WDR27: variants seen among roughly 807,000 people sequenced by gnomAD.
The protein encoded by WDR27 is WD repeat domain 27.
WDR27 carries 100 observed loss-of-function variants against 114.4 expected under a neutral mutation model. The observed-to-expected ratio is 0.87, with a 90% CI of 0.74 to 1.03. The LOEUF is 1.03. Among genes scored for constraint, WDR27 ranks in the 50% least tolerant of loss-of-function variants. The pLI, the probability that WDR27 is intolerant of heterozygous loss-of-function variation, is 0.00. For missense variants in WDR27, 1,129 were observed against 1,092.9 expected (o/e 1.03, Z -0.47); for synonymous variants, 449 against 423.1 (o/e 1.06, Z -0.75).
Position 169,507,062 on chromosome 6 carries a change from G to A in WDR27, c.2646-49428C>T, listed in dbSNP as rs567512669. Among the ~76,000 whole-genome samples the A allele has an allele frequency of 6.2e-4, 94 of 152,296 alleles. 1 individual carries two copies. Among genetic ancestry groups the A allele is most frequent in the Admixed American group, 2.7e-3 (42 of 15,296 alleles). On this transcript the variant is annotated intron_variant, in intron 25 of 25. Coordinates refer to ENST00000448612, the MANE Select transcript of WDR27 (RefSeq NM_182552.5). The stretch of plus-strand genomic sequence containing the variant: ...ATCTGATTAAACATTACTTTCAATT[G>A]TGTAATGTTTTAGAAATAAAATATT...
intron 25 of WDR27, among the ~76,000 whole-genome samples, chr6:169,528,044 A>C (rs531772526): frequency 6.6e-6 from 1 of 152,310 alleles, no homozygotes; most frequent in Admixed American, 6.5e-5. Context: ...ATAAATGGGT[A>C]ACAGCCTTAC....
At chr6:169,606,140 A>C (rs1314427326) in intron 22 of WDR27, among the ~76,000 whole-genome samples, 1 of 152,226 alleles carries the variant, frequency 6.6e-6, no homozygotes, top group East Asian at 1.9e-4. Flanking sequence ...TCTGCACAGC[A>C]AAAGAAATAA....
intron 2 of WDR27, among the ~76,000 whole-genome samples, chr6:169,683,766 C>T (rs1385220017): frequency 6.6e-6 from 1 of 152,200 alleles, no homozygotes; most frequent in Non-Finnish European, 1.5e-5. Context: ...TCCCCAACCA[C>T]CCACATCACC....
In WDR27 at chr6:169,665,472, T is replaced by C. The variant is rs1483892702; in HGVS notation, c.783+14A>G. On this transcript the variant is annotated intron_variant, in intron 7 of 25. Transcript: ENST00000448612. ...ATGTCTGGGAACTGGAACTTAACTCTGTGGCTGTCTCACCTGGCCGTCAGC... is the reference window on the plus strand; with the variant it reads ...ATGTCTGGGAACTGGAACTTAACTCCGTGGCTGTCTCACCTGGCCGTCAGC... 1.2e-6 allele frequency: 2 copies of C among 1,610,750 alleles called. No homozygotes were observed. Among genetic ancestry groups the C allele is most frequent in the Non-Finnish European group, 8.5e-7 (1 of 1,178,686 alleles).
intron 24 of WDR27, among the ~76,000 whole-genome samples, chr6:169,578,970 C>CA (rs1802911915): frequency 6.6e-6 from 1 of 152,142 alleles, no homozygotes; most frequent in African/African-American, 2.4e-5. Context: ...GGTCTCTCAC[C>CA]AGCACCCTAG....
intron 24 of WDR27, among the ~76,000 whole-genome samples, chr6:169,577,086 GA>G (rs111868145): frequency 7.3e-4 from 106 of 144,386 alleles, no homozygotes; most frequent in Middle Eastern, 3.6e-3. Flanking sequence ...AAAAGAAAAG[GA>G]AAAAAAAAAA....
chr6:169,438,218 TTTTTAC>T, the WDR27 span, among the ~76,000 whole-genome samples: 1 of 148,492 alleles, frequency 6.7e-6, no homozygotes, highest in African/African-American at 2.5e-5. Flanking sequence ...ATTTCACGTG[TTTTTAC>T]TTTTACTTTT....
chr6:169,508,928 C>A (rs908506048), intron 25 of WDR27, among the ~76,000 whole-genome samples: 1 of 152,206 alleles, frequency 6.6e-6, no homozygotes, highest in Non-Finnish European at 1.5e-5. Flanking sequence ...CTGCCCTCCA[C>A]ACAGCAGCCA....
rs1785838454 is a variant in WDR27 at position 169,468,027 on chromosome 6, C to G, written c.2646-10393G>C. 2.0e-5 allele frequency among the ~76,000 whole-genome samples: 3 copies of G among 152,208 alleles called. No individual in the cohort carries two copies. The South Asian group carries it at 6.2e-4, about 31-fold the overall frequency. On this transcript the variant is annotated intron_variant, in intron 25 of 25. Coordinates refer to ENST00000448612, the MANE Select transcript of WDR27 (RefSeq NM_182552.5). ...TCTTCCGCCAGATACCCTAAATCAT[C>G]TGTCTCAAGTTTAAAGTTCCATAGA...
At chr6:169,458,554 T>G (rs73789956) in intron 25 of WDR27, among the ~76,000 whole-genome samples, 4,648 of 150,990 alleles carry the variant, frequency 0.031, 218 homozygotes, top group African/African-American at 0.1. Context: ...GACTGTGGAG[T>G]CCAAGGTGGG....
intron 21 of WDR27, among the ~76,000 whole-genome samples, chr6:169,619,886 C>T (rs1812712983): frequency 6.6e-6 from 1 of 152,170 alleles, no homozygotes; most frequent in African/African-American, 2.4e-5. Context: ...TTCACAGATG[C>T]ATGACTAATG....
chr6:169,670,837 A>C lies in WDR27; in HGVS notation c.332-144T>G, dbSNP rs1429364109. The C allele has an allele frequency of 8.5e-6, 10 of 1,181,518 alleles. No individual in the cohort carries two copies. In the East Asian group the frequency reaches 2.2e-4, roughly 26 times the overall value. 73.2% of individuals were successfully genotyped at this position (1,181,518 alleles called of 1,614,324 possible). On this transcript the variant is annotated intron_variant, in intron 3 of 25. Coordinates refer to ENST00000448612, the MANE Select transcript of WDR27 (RefSeq NM_182552.5). ...GCTTTGATGTGATTTTGATTCTTTA[A>C]GAATATCAAAAATACTGGATATACA...
At chr6:169,503,552 G>GTCA (rs965607778) in intron 25 of WDR27, among the ~76,000 whole-genome samples, 29 of 152,276 alleles carry the variant, frequency 1.9e-4, no homozygotes, top group East Asian at 1.4e-3. Flanking sequence ...ACTACAGCCT[G>GTCA]TCATCTACTG....
intron 13 of WDR27, among the ~76,000 whole-genome samples, chr6:169,656,670 G>A (rs1824292822): frequency 6.6e-6 from 1 of 152,086 alleles, no homozygotes; most frequent in Non-Finnish European, 1.5e-5. Flanking sequence ...GAGGAGGCTG[G>A]GATGGCCCAG....
chr6:169,499,276 C>T (rs1228394565), intron 25 of WDR27, among the ~76,000 whole-genome samples: 2 of 152,238 alleles, frequency 1.3e-5, no homozygotes, highest in Non-Finnish European at 2.9e-5. Context: ...CAGAAGGCTA[C>T]ACACGCGGAG....
chr6:169,525,635 CT>C (rs1276550851), intron 25 of WDR27, among the ~76,000 whole-genome samples: 3 of 151,954 alleles, frequency 2.0e-5, no homozygotes. Context: ...CCCTAATACA[CT>C]GTTGTTAAGA....
chr6:169,580,944 TATATATATAC>T (rs1217036963), intron 24 of WDR27, among the ~76,000 whole-genome samples: 3 of 76,258 alleles, frequency 3.9e-5, no homozygotes, highest in African/African-American at 7.3e-5. Context: ...TATATATATA[TATATATATAC>T]ATATATATAT....
intron 23 of WDR27, among the ~76,000 whole-genome samples, chr6:169,595,468 C>T (rs1403812838): frequency 6.6e-6 from 1 of 152,190 alleles, no homozygotes; most frequent in Admixed American, 6.5e-5. Flanking sequence ...TCTTCCTCTA[C>T]ATCCAATTTT....
intron 21 of WDR27, among the ~76,000 whole-genome samples, chr6:169,621,535 C>T (rs921681077): frequency 4.6e-5 from 7 of 151,204 alleles, no homozygotes; most frequent in South Asian, 2.1e-4. Context: ...TACACACACA[C>T]GCACGCATAT....
Sources: gnomAD v4.1 joint callset for allele counts (sites outside exome capture counted in the v4.1 genomes callset) on GRCh38, gnomAD v4.1.1 for gene constraint, MANE v1.5 for transcripts, NCBI Gene and HGNC (gene_info 2026-07-23, HGNC 2026-07-21) for gene names.